MSN: variants seen among roughly 807,000 people sequenced by gnomAD.
MSN encodes moesin.
MSN carries 2 observed loss-of-function variants against 48.0 expected under a neutral mutation model. The observed-to-expected ratio is 0.04, with a 90% CI of 0.02 to 0.13. The LOEUF (loss-of-function observed/expected upper bound fraction) is 0.13. Among genes scored for constraint, MSN ranks in the 10% least tolerant of loss-of-function variants. The pLI, the probability that MSN is intolerant of heterozygous loss-of-function variation, is 1.00. For synonymous variants in MSN, 146 were observed against 166.9 expected, an observed-to-expected ratio of 0.87 and a Z score of 0.97; for missense variants, 267 against 470.1, an observed-to-expected ratio of 0.57 and a Z score of 3.99.
chrX:65,629,943 CT>C (rs1228788506), intron 1 of MSN, among the ~76,000 whole-genome samples: 1 of 111,617 alleles, frequency 9.0e-6, no homozygotes, highest in Non-Finnish European at 1.9e-5. Context: ...CTTTGGGAGG[CT>C]GAGGTGGGCC....
intron 4 of MSN, 26 bp downstream of exon 4, chrX:65,729,738 G>A: frequency 8.3e-7 from 1 of 1,198,830 alleles, no homozygotes. Context: ...GCCCTCCTTT[G>A]CCTTGGCCAT....
intron 2 of MSN, among the ~76,000 whole-genome samples, chrX:65,723,859 G>A (rs1415889203): frequency 9.0e-6 from 1 of 110,632 alleles, no homozygotes; most frequent in Non-Finnish European, 1.9e-5. Flanking sequence ...TTCCCGCCAC[G>A]TCCTCAATTT....
At chrX:65,698,377 T>G (rs1321804010) in intron 1 of MSN, among the ~76,000 whole-genome samples, 1 of 111,833 alleles carries the variant, frequency 8.9e-6, no homozygotes, top group Non-Finnish European at 1.9e-5. Flanking sequence ...CCATGCCTTG[T>G]GATTCTTTAT....
At chrX:65,666,861 C>A (rs919563819), upstream of MSN, among the ~76,000 whole-genome samples, 2 of 111,459 alleles carry the variant, frequency 1.8e-5, no homozygotes, top group African/African-American at 6.5e-5. Flanking sequence ...GGCAGACAAA[C>A]CCCAAGGGTG....
intron 1 of MSN, among the ~76,000 whole-genome samples, chrX:65,653,050 G>A (rs1182060807): frequency 9.0e-6 from 1 of 111,726 alleles, no homozygotes; most frequent in African/African-American, 3.3e-5. Flanking sequence ...AGTATATTTA[G>A]GACTTTGTTG....
rs984289129 is a variant in MSN, at chrX:65,648,746, C to T, written c.-22+60134C>T. ...GGCGTGGTGGCACGCACTTGTAATC[C>T]CAGCTACTTGGGAGGCTGAGGCAGG... On this transcript the variant is annotated intron_variant, in intron 1 of 3. Transcript: ENST00000609672. Among the ~76,000 whole-genome samples, 145 of 91,760 alleles carry T rather than the reference C, an allele frequency of 1.6e-3. 1 individual carries two copies. The highest frequency in any genetic ancestry group is 8.1e-3 in the Middle Eastern group (1 of 124). The allele number at this position is 91,760 out of a possible 115,157, so 79.7% of individuals were successfully genotyped here. A position where few individuals can be genotyped will look rare whatever the true frequency, so the allele number is the denominator to read the frequency against.
At chrX:65,718,277 G>A (rs6525003) in intron 2 of MSN, among the ~76,000 whole-genome samples, 27 of 109,354 alleles carry the variant, frequency 2.5e-4, no homozygotes, top group African/African-American at 7.0e-4. Flanking sequence ...CCCTCCCCCC[G>A]AGAAATATCT....
intron 4 of MSN, among the ~76,000 whole-genome samples, chrX:65,730,141 T>G (rs1307172706): frequency 8.9e-6 from 1 of 112,429 alleles, no homozygotes; most frequent in Non-Finnish European, 1.9e-5. Context: ...ACAGCTAGTG[T>G]ACAGAGCTTT....
chrX:65,589,266 C>G (rs1442895574), intron 1 of MSN, among the ~76,000 whole-genome samples: 1 of 105,235 alleles, frequency 9.5e-6, no homozygotes, highest in Non-Finnish European at 2.0e-5. Context: ...CACCCCATTC[C>G]TATCTTGGCC....
At chrX:65,736,533 C>G (rs2071678024) in intron 8 of MSN, among the ~76,000 whole-genome samples, 1 of 108,979 alleles carries the variant, frequency 9.2e-6, no homozygotes, top group Non-Finnish European at 1.9e-5. Context: ...CTCCTGTCTT[C>G]AAGCAATTCT....
Position 65,739,153 on chromosome X carries a change from A to C in MSN, c.1528A>C (p.Thr510Pro), listed in dbSNP as rs1171114349. 1.7e-6 allele frequency: 2 copies of C among 1,210,176 alleles called. No individual in the cohort carries two copies. Among genetic ancestry groups the C allele is most frequent in the East Asian group, 3.0e-5 (1 of 33,765 alleles). The change falls in exon 12 of 13, where the codon ACT becomes CCT. Residue 510 changes from threonine (T) to proline (P), a missense_variant. Physicochemically the swap from Thr to Pro is conservative, Grantham distance 38. Around this residue, in one of 5 missense-constraint regions of MSN, gnomAD observed 48 missense variants for 115.5 expected, o/e 0.42. Transcript: ENST00000360270. ...GGACCGCAGTGAGGAGGAACGTACCACTGAGGCAGAGAAGAATGAGCGTGT... is the reference window on the plus strand; with the variant it reads ...GGACCGCAGTGAGGAGGAACGTACCCCTGAGGCAGAGAAGAATGAGCGTGT... ...AKDRSEEERT[T>P]EAEKNERVQK...
At chrX:65,610,693 A>G (rs1410459509) in intron 1 of MSN, among the ~76,000 whole-genome samples, 2 of 112,313 alleles carry the variant, frequency 1.8e-5, no homozygotes, top group African/African-American at 6.5e-5. Context: ...TGCTTCCCAT[A>G]GCATCTGCAC....
At chrX:65,731,017 A>T (rs1055649615) in intron 4 of MSN, 90 bp from the exon 5 acceptor site, 1 of 730,278 alleles carries the variant, frequency 1.4e-6, no homozygotes, top group African/African-American at 2.1e-5. Context: ...TCCTCTTTGC[A>T]TCAGCCCCTT....
intron 1 of MSN, among the ~76,000 whole-genome samples, chrX:65,648,803 C>G (rs2070715392): frequency 1.8e-5 from 2 of 110,152 alleles, no homozygotes; most frequent in Non-Finnish European, 3.8e-5. Context: ...GCGGAAGTTG[C>G]AGTGAGCCGA....
In MSN at chrX:65,670,443, A is replaced by G. The variant is rs12013152; in HGVS notation, c.12+2590A>G. On this transcript the variant is annotated intron_variant, in intron 1 of 12. Transcript: ENST00000360270. ...TCCCCTACATTTGTTAAAACACGCC[A>G]GCCGGGCGTGGTGGCTCCAGCCAGT... Among the ~76,000 whole-genome samples, 507 of 111,277 alleles carry G rather than the reference A, an allele frequency of 4.6e-3. 4 individuals carry two copies. Among genetic ancestry groups the G allele is most frequent in the African/African-American group, 0.016 (486 of 30,615 alleles).
At chrX:65,720,139 C>T (rs962487394) in intron 2 of MSN, among the ~76,000 whole-genome samples, 11 of 112,085 alleles carry the variant, frequency 9.8e-5, no homozygotes, top group African/African-American at 3.2e-4. Context: ...TGAGCACATA[C>T]TATGGCCTAT....
At chrX:65,702,084 C>T (rs2071310774) in intron 1 of MSN, among the ~76,000 whole-genome samples, 1 of 105,843 alleles carries the variant, frequency 9.4e-6, no homozygotes, top group African/African-American at 3.5e-5. Flanking sequence ...GCAATCTCGG[C>T]TCACTGCAAC....
intron 1 of MSN, among the ~76,000 whole-genome samples, chrX:65,696,756 G>T (rs757620349): frequency 7.2e-5 from 8 of 111,490 alleles, no homozygotes; most frequent in African/African-American, 2.3e-4. Context: ...ATTGTTAGCT[G>T]AGCTTGTGGT....
chrX:65,722,667 G>C (rs778181162), intron 2 of MSN, among the ~76,000 whole-genome samples: 1 of 110,620 alleles, frequency 9.0e-6, no homozygotes, highest in East Asian at 2.8e-4. Flanking sequence ...GATCTGCCCC[G>C]CCCCAGCCTC....
Sources: gnomAD v4.1 joint callset for allele counts (sites outside exome capture counted in the v4.1 genomes callset) on GRCh38, gnomAD v4.1.1 for gene constraint, gnomAD v4.1.1 regional missense constraint, MANE v1.5 for transcripts, NCBI Gene and HGNC (gene_info 2026-07-23, HGNC 2026-07-21) for gene names.